The following WDR33 variants were observed in gnomAD, a reference collection of about 807,000 sequenced individuals.
The protein encoded by WDR33 is pre-mRNA 3' end processing protein WDR33.
WDR33 carries 47 observed loss-of-function variants against 164.9 expected under a neutral mutation model. The observed-to-expected ratio is 0.29, with a 90% CI of 0.23 to 0.36. The LOEUF (loss-of-function observed/expected upper bound fraction) is 0.36. Ranked by LOEUF, WDR33 falls within the 10% of genes least tolerant of loss-of-function variation. The pLI is 1.00. For synonymous variants in WDR33, 505 were observed against 589.0 expected (o/e 0.86, Z 2.06); for missense variants, 1,137 against 1,754.1 (o/e 0.65, Z 6.28).
chr2:127,794,926 A>G (rs777197846), intron 1 of WDR33, among the ~76,000 whole-genome samples: 7 of 151,542 alleles, frequency 4.6e-5, no homozygotes, highest in Non-Finnish European at 7.4e-5. Context: ...TGGGAGGCTG[A>G]GGCGGGAGGA....
chr2:127,802,752 G>A lies in WDR33; in HGVS notation c.-24+8260C>T, dbSNP rs80050687. Reference sequence around the variant, plus strand: ...CTAGTATTTTGGGAGGCTGAGGAGGGAGGAACCGATGACCCCAGGAGTTCG... The same window carrying A: ...CTAGTATTTTGGGAGGCTGAGGAGGAAGGAACCGATGACCCCAGGAGTTCG... On this transcript the variant is annotated intron_variant, in intron 1 of 21. Coordinates refer to ENST00000322313, the MANE Select transcript of WDR33 (RefSeq NM_018383.5). 2.8e-3 allele frequency among the ~76,000 whole-genome samples: 421 copies of A among 152,226 alleles called. 3 individuals carry two copies. Among genetic ancestry groups the A allele is most frequent in the East Asian group, 0.027 (140 of 5,182 alleles).
At chr2:127,805,242 AT>A (rs938252771) in intron 1 of WDR33, among the ~76,000 whole-genome samples, 4 of 149,518 alleles carry the variant, frequency 2.7e-5, no homozygotes, top group African/African-American at 7.4e-5. Context: ...CAAACCCAGC[AT>A]TTTTTTTTCT....
At chr2:127,778,863 T>C (rs1038061948) in intron 1 of WDR33, among the ~76,000 whole-genome samples, 1 of 152,210 alleles carries the variant, frequency 6.6e-6, no homozygotes, top group Non-Finnish European at 1.5e-5. Flanking sequence ...AATTTCTGAC[T>C]ACCATTTGAA....
rs1201531434 is a variant in WDR33, at chr2:127,710,045, A to T, written c.3309-189T>A. On this transcript the variant is annotated intron_variant, in intron 18 of 21. Coordinates refer to ENST00000322313, the MANE Select transcript of WDR33 (RefSeq NM_018383.5). This position sits in a 1 kb window ranked among gnomAD's most constrained non-coding sequence, Gnocchi z 4.4. ...TTAATACTATCAGAGGCAAAAACAG[A>T]CCAGAAGGAAACACACCAGAGTGTG... Among the ~76,000 whole-genome samples, 1 of 152,254 alleles carries T rather than the reference A, an allele frequency of 6.6e-6. No individual in the cohort carries two copies. The highest frequency in any genetic ancestry group is 1.9e-4 in the East Asian group (1 of 5,200).
intron 1 of WDR33, among the ~76,000 whole-genome samples, chr2:127,792,578 G>A (rs945485178): frequency 2.6e-5 from 4 of 151,952 alleles, no homozygotes; most frequent in African/African-American, 9.7e-5. Context: ...TGAGGCAGGA[G>A]AATCGCTTGA....
In WDR33 at chr2:127,758,118, CTG is replaced by C. The variant is rs139575362; in HGVS notation, c.724+4942_724+4943del. Among the ~76,000 whole-genome samples the C allele has an allele frequency of 2.9e-3, 445 of 152,236 alleles. 1 individual carries two copies. Among genetic ancestry groups the C allele is most frequent in the African/African-American group, 0.01 (431 of 41,528 alleles). ...ACCCATGTGTAGTGTGAACCAATAG[CTG>C]TGTTTTAATATTTTTGCTAAATATA... On this transcript the variant is annotated intron_variant, in intron 7 of 21. Coordinates refer to ENST00000322313, the MANE Select transcript of WDR33 (RefSeq NM_018383.5).
At chr2:127,759,905 A>C (rs1035021100) in intron 7 of WDR33, among the ~76,000 whole-genome samples, 3 of 152,090 alleles carry the variant, frequency 2.0e-5, no homozygotes, top group African/African-American at 7.2e-5. Flanking sequence ...AAAATTAAGA[A>C]GTATAGTATC....
At chr2:127,754,608 A>G (rs1461170832) in intron 7 of WDR33, among the ~76,000 whole-genome samples, 4 of 143,132 alleles carry the variant, frequency 2.8e-5, no homozygotes, top group Non-Finnish European at 4.6e-5. Context: ...TTTTTTGTAG[A>G]AACAGGGTCT....
intron 7 of WDR33, among the ~76,000 whole-genome samples, chr2:127,744,624 T>C (rs1307853259): frequency 6.6e-6 from 1 of 152,182 alleles, no homozygotes; most frequent in African/African-American, 2.4e-5. Flanking sequence ...GGGAAAGACG[T>C]TGACTTTTTA....
intron 1 of WDR33, among the ~76,000 whole-genome samples, chr2:127,777,567 C>G (rs1353499429): frequency 5.3e-5 from 8 of 152,292 alleles, no homozygotes; most frequent in African/African-American, 1.9e-4. Flanking sequence ...TACTATTGAA[C>G]AGAATGGAAC....
At chr2:127,768,911 G>C (rs1403091418) in intron 3 of WDR33, 22 bp downstream of exon 3, 3 of 1,573,692 alleles carry the variant, frequency 1.9e-6, no homozygotes, top group Non-Finnish European at 2.6e-6. Context: ...TATTAAGCTA[G>C]TATGACACAT....
intron 1 of WDR33, among the ~76,000 whole-genome samples, chr2:127,776,970 C>T (rs1333828910): frequency 6.6e-6 from 1 of 152,144 alleles, no homozygotes; most frequent in African/African-American, 2.4e-5. Context: ...GCTAACAGAA[C>T]AACACAATTT....
chr2:127,712,403 A>T lies in WDR33; in HGVS notation c.3308+1180T>A, dbSNP rs905746792. Among the ~76,000 whole-genome samples, 2 of 151,664 alleles carry T rather than the reference A, an allele frequency of 1.3e-5. 1 individual carries two copies. The highest frequency in any genetic ancestry group is 4.2e-4 in the South Asian group (2 of 4,804). On this transcript the variant is annotated intron_variant, in intron 18 of 21. Coordinates refer to ENST00000322313, the MANE Select transcript of WDR33 (RefSeq NM_018383.5). This position sits in a 1 kb window ranked among gnomAD's most constrained non-coding sequence, Gnocchi z 4.0. ...GAGCAAGACTCCGTCTCAAGAAGAA[A>T]AAAAAAAAAAAAGAAATGGGATGAA...
intron 7 of WDR33, among the ~76,000 whole-genome samples, chr2:127,761,962 C>T (rs373415807): frequency 2.2e-4 from 34 of 152,162 alleles, no homozygotes; most frequent in Non-Finnish European, 2.4e-4. Context: ...GGCTGAAATA[C>T]ACATTAAAGT....
chr2:127,775,427 G>A (rs920671414), intron 1 of WDR33, among the ~76,000 whole-genome samples: 1 of 152,186 alleles, frequency 6.6e-6, no homozygotes, highest in Admixed American at 6.5e-5. Context: ...GACCTCAGGT[G>A]ATCCACCGGC....
chr2:127,706,231 A>G lies in WDR33; in HGVS notation c.*92T>C, dbSNP rs1686005369. On this transcript the variant is annotated 3_prime_UTR_variant, in exon 22 of 22. Coordinates refer to ENST00000322313, the MANE Select transcript of WDR33 (RefSeq NM_018383.5). This position sits in a 1 kb window ranked among gnomAD's most constrained non-coding sequence, Gnocchi z 5.1. ...GCCCAGAAAAGAGTTCAGGGCTACA[A>G]TGGTGCAGGCTTCCTTTTGTTTCTC... 1.6e-6 allele frequency: 2 copies of G among 1,227,564 alleles called. No individual in the cohort carries two copies. Among genetic ancestry groups the G allele is most frequent in the Non-Finnish European group, 1.1e-6 (1 of 906,162 alleles). 76.0% of individuals were successfully genotyped at this position (1,227,564 alleles called of 1,614,324 possible).
intron 7 of WDR33, among the ~76,000 whole-genome samples, chr2:127,754,891 T>TTA: frequency 6.6e-6 from 1 of 152,308 alleles, no homozygotes; most frequent in African/African-American, 2.4e-5. Context: ...CAAGTCTCTT[T>TTA]TAACCCAGCT....
Position 127,701,597 on chromosome 2 carries a change from G to A in WDR33, c.*4726C>T. On this transcript the variant is annotated 3_prime_UTR_variant, in exon 22 of 22. Transcript: ENST00000322313. ...GGAAAGCTGGCGGCCCGGCGGCCGCGGAGCCGCTGCTCGCCGCGGAGAAGG... is the reference window on the plus strand; with the variant it reads ...GGAAAGCTGGCGGCCCGGCGGCCGCAGAGCCGCTGCTCGCCGCGGAGAAGG... 7.4e-7 allele frequency: 1 copy of A among 1,352,310 alleles called. No individual in the cohort carries two copies. The highest frequency in any genetic ancestry group is 9.5e-7 in the Non-Finnish European group (1 of 1,053,544). The allele number at this position is 1,352,310 out of a possible 1,614,324, so 83.8% of individuals were successfully genotyped here. A position where few individuals can be genotyped will look rare whatever the true frequency, so the allele number is the denominator to read the frequency against.
chr2:127,736,456 G>A, intron 7 of WDR33: 1 of 985,404 alleles, frequency 1.0e-6, no homozygotes, highest in Non-Finnish European at 1.2e-6. Context: ...GAAATGTATA[G>A]TGTCAGGAGC....
Sources: gnomAD v4.1 joint callset for allele counts (sites outside exome capture counted in the v4.1 genomes callset) on GRCh38, gnomAD v4.1.1 for gene constraint, Gnocchi (gnomAD v3.1) non-coding constraint, MANE v1.5 for transcripts, NCBI Gene and HGNC (gene_info 2026-07-23, HGNC 2026-07-21) for gene names.